ANKRD17: variants seen among roughly 807,000 people sequenced by gnomAD.
ANKRD17 encodes ankyrin repeat domain-containing protein 17.
ANKRD17 carries 19 observed loss-of-function variants against 229.7 expected under a neutral mutation model. That is an observed-to-expected ratio of 0.08 (90% CI 0.06 to 0.12). ANKRD17 has a LOEUF of 0.12. ANKRD17 is among the 10% of genes least tolerant of loss of function. The pLI, the probability that ANKRD17 is intolerant of heterozygous loss-of-function variation, is 1.00. For missense variants in ANKRD17, 2,176 were observed against 3,176.8 expected, an observed-to-expected ratio of 0.68 and a Z score of 7.57; for synonymous variants, 1,112 against 1,146.1, an observed-to-expected ratio of 0.97 and a Z score of 0.60.
Position 73,157,326 on chromosome 4 carries a change from C to T in ANKRD17, c.705-1160G>A, listed in dbSNP as rs944876384. On this transcript the variant is annotated intron_variant, in intron 3 of 33. Coordinates refer to ENST00000358602, the MANE Select transcript of ANKRD17 (RefSeq NM_032217.5). ...TTGGTTTTGGTTTTGAAAGTATTTACTTATACAATCAAATTTGGGGGGAAG... is the reference window on the plus strand; with the variant it reads ...TTGGTTTTGGTTTTGAAAGTATTTATTTATACAATCAAATTTGGGGGGAAG... Among the ~76,000 whole-genome samples, 5 of 152,006 alleles carry T rather than the reference C, an allele frequency of 3.3e-5. No homozygotes were observed. In the East Asian group the frequency reaches 9.7e-4, roughly 29 times the overall value.
At chr4:73,235,892 C>T (rs1451644531) in intron 1 of ANKRD17, among the ~76,000 whole-genome samples, 1 of 151,482 alleles carries the variant, frequency 6.6e-6, no homozygotes, top group Admixed American at 6.6e-5. Flanking sequence ...TTAATAGAGA[C>T]AGGGTCTCAC....
chr4:73,180,810 G>T (rs1005883532), intron 1 of ANKRD17, among the ~76,000 whole-genome samples: 5 of 152,116 alleles, frequency 3.3e-5, no homozygotes, highest in Non-Finnish European at 7.4e-5. Context: ...TGTTACCTAT[G>T]TGACCTAACC....
At chr4:73,183,817 T>G (rs1005496601) in intron 1 of ANKRD17, among the ~76,000 whole-genome samples, 10 of 152,172 alleles carry the variant, frequency 6.6e-5, no homozygotes, top group Non-Finnish European at 1.0e-4. Context: ...GCTAAGTCCT[T>G]TTAATTTTGA....
intron 2 of ANKRD17, among the ~76,000 whole-genome samples, chr4:73,168,703 C>T (rs1408599407): frequency 1.3e-5 from 2 of 152,208 alleles, no homozygotes; most frequent in Non-Finnish European, 2.9e-5. Flanking sequence ...TTAGCCAGCC[C>T]CTGGCCACAG....
chr4:73,128,604 G>C (rs1334629911), intron 16 of ANKRD17, among the ~76,000 whole-genome samples: 2 of 152,118 alleles, frequency 1.3e-5, no homozygotes, highest in Admixed American at 6.6e-5. Flanking sequence ...TCTACTAAGT[G>C]CTCGAGGGTT....
chr4:73,235,973 G>A (rs963098173), intron 1 of ANKRD17, among the ~76,000 whole-genome samples: 3 of 151,624 alleles, frequency 2.0e-5, no homozygotes, highest in East Asian at 1.9e-4. Context: ...CAAAGTACTG[G>A]GATTACAGGC....
intron 30 of ANKRD17, among the ~76,000 whole-genome samples, chr4:73,081,628 A>C (rs751092874): frequency 2.6e-5 from 4 of 152,236 alleles, no homozygotes; most frequent in Non-Finnish European, 5.9e-5. Context: ...GATGGGGCAG[A>C]TCTAGGTTTT....
chr4:73,246,610 T>C (rs1351327191), intron 1 of ANKRD17, among the ~76,000 whole-genome samples: 1 of 152,136 alleles, frequency 6.6e-6, no homozygotes, highest in Admixed American at 6.5e-5. Context: ...TATATAGATA[T>C]GTAACGACAC....
intron 24 of ANKRD17, chr4:73,113,270 T>C: frequency 7.8e-7 from 1 of 1,289,370 alleles, no homozygotes; most frequent in Non-Finnish European, 1.0e-6. Context: ...TTGGTGTATT[T>C]TACTCCCCAT....
chr4:73,078,731 G>T lies in ANKRD17; in HGVS notation c.7319C>A (p.Thr2440Lys), dbSNP rs770029425. Residue 2440 changes from threonine to lysine, a missense_variant, in exon 31 of 34, where the codon ACG (threonine) becomes AAG (lysine). This residue lies in a region of ANKRD17 where 159 missense variants were observed against 214.3 expected (regional missense o/e 0.74). Coordinates refer to ENST00000358602, the MANE Select transcript of ANKRD17 (RefSeq NM_032217.5). ...ERSARIRQTG[T>K]SAPSVIGSNL... ...GCTCCCAATAACAGATGGAGCTGAC[G>T]TTCCAGTTTGCCTGATACGTGCAGA... 5.6e-6 allele frequency: 9 copies of T among 1,614,010 alleles called. No homozygotes were observed. The highest frequency in any genetic ancestry group is 1.1e-5 in the South Asian group (1 of 91,078).
In ANKRD17 at chr4:73,235,635, T is replaced by A. The variant is rs117191879; in HGVS notation, c.393+22641A>T. 1.5e-3 allele frequency among the ~76,000 whole-genome samples: 236 copies of A among 152,318 alleles called. 2 individuals are homozygous for A. In the East Asian group the frequency reaches 0.038, roughly 25 times the overall value. On this transcript the variant is annotated intron_variant, in intron 1 of 33. Transcript: ENST00000358602. ...TTTTTTAAAAATTTCAGTCAATAAC[T>A]AAAATAAGCCCGGATAAATAGAGTT...
At chr4:73,256,811 A>C (rs758243287) in intron 1 of ANKRD17, among the ~76,000 whole-genome samples, 8 of 152,236 alleles carry the variant, frequency 5.3e-5, no homozygotes, top group Non-Finnish European at 8.8e-5. Flanking sequence ...CTATCAATAC[A>C]AACCTATTCT....
Position 73,120,917 on chromosome 4 carries a change from C to T in ANKRD17, c.3813G>A (p.Leu1271=), listed in dbSNP as rs763921925. 1 of 1,613,476 alleles carries T rather than the reference C, an allele frequency of 6.2e-7. No homozygotes were observed. The highest frequency in any genetic ancestry group is 1.7e-5 in the Admixed American group (1 of 59,962). The change falls in exon 20 of 34, where the codon CTG becomes CTA. Residue 1271 remains leucine, a synonymous_variant. Transcript: ENST00000358602. The part of the protein sequence containing the change: ...FQGRTEVVSL[L]LDRKANVEHR... Reference sequence around the variant, plus strand: ...GTTCAACATTTGCTTTTCTATCAAGCAGAAGACTAACCACTTCAGTTCTTC... The same window carrying T: ...GTTCAACATTTGCTTTTCTATCAAGTAGAAGACTAACCACTTCAGTTCTTC...
chr4:73,225,411 C>T (rs1742361819), intron 1 of ANKRD17, among the ~76,000 whole-genome samples: 1 of 152,134 alleles, frequency 6.6e-6, no homozygotes, highest in Non-Finnish European at 1.5e-5. Context: ...CTCTTCCATT[C>T]TAGGATTATG....
intron 11 of ANKRD17, among the ~76,000 whole-genome samples, chr4:73,143,958 C>G (rs1419353752): frequency 6.6e-6 from 1 of 152,132 alleles, no homozygotes; most frequent in Non-Finnish European, 1.5e-5. Context: ...CCAGGCTAGT[C>G]TTGAACTACA....
At chr4:73,227,469 G>A (rs1197497213) in intron 1 of ANKRD17, among the ~76,000 whole-genome samples, 1 of 152,066 alleles carries the variant, frequency 6.6e-6, no homozygotes, top group Non-Finnish European at 1.5e-5. Context: ...TAATTTTATA[G>A]GCAAGAAAAT....
intron 1 of ANKRD17, among the ~76,000 whole-genome samples, chr4:73,203,943 A>G (rs1347952773): frequency 1.3e-5 from 2 of 152,086 alleles, no homozygotes; most frequent in Non-Finnish European, 2.9e-5. Context: ...ACTCTTAAAA[A>G]CAGCCATGGG....
rs1172448849 is a variant in ANKRD17 at position 73,258,611 on chromosome 4, G to T, written c.58C>A (p.Pro20Thr). 2 of 1,478,840 alleles carry T rather than the reference G, an allele frequency of 1.4e-6. No homozygotes were observed. Among genetic ancestry groups the T allele is most frequent in the African/African-American group, 1.5e-5 (1 of 67,214 alleles). 91.6% of individuals were successfully genotyped at this position (1,478,840 alleles called of 1,614,324 possible). A position where few individuals can be genotyped will look rare whatever the true frequency, so the allele number is the denominator to read the frequency against. ...CCCGCCACAGCCGCCACCGCCGGGG[G>T]GCTCCCTTCTCCTTCTGCAGCCGTC... ...AATAAEGEGSPPAVAAVAGPP... is the reference protein window; with the variant it reads ...AATAAEGEGSTPAVAAVAGPP... The change falls in exon 1 of 34, where the codon CCC (proline) becomes ACC (threonine). Residue 20 changes from proline to threonine, a missense_variant. Pro to Thr is a conservative substitution (Grantham distance 38, BLOSUM62 -1). Coordinates refer to ENST00000358602, the MANE Select transcript of ANKRD17 (RefSeq NM_032217.5).
In ANKRD17 at chr4:73,146,612, T is replaced by C. The variant is rs1029845936; in HGVS notation, c.1869+152A>G. 7.7e-5 allele frequency: 43 copies of C among 560,320 alleles called. 1 individual carries two copies. The highest frequency in any genetic ancestry group is 1.2e-5 in the Non-Finnish European group (4 of 337,764). 34.7% of individuals were successfully genotyped at this position (560,320 alleles called of 1,614,324 possible). Reference sequence around the variant, plus strand: ...GGACACTAAACAGTGTGGAAAAAAATGTGACTAAGTGAGAGAAAGAATGGC... The same window carrying C: ...GGACACTAAACAGTGTGGAAAAAAACGTGACTAAGTGAGAGAAAGAATGGC... On this transcript the variant is annotated intron_variant, in intron 10 of 33. Transcript: ENST00000358602.
Sources: gnomAD v4.1 joint callset for allele counts (sites outside exome capture counted in the v4.1 genomes callset) on GRCh38, gnomAD v4.1.1 for gene constraint, gnomAD v4.1.1 regional missense constraint, MANE v1.5 for transcripts, NCBI Gene and HGNC (gene_info 2026-07-23, HGNC 2026-07-21) for gene names.